The following PRKDC variants were observed in gnomAD, a reference collection of about 807,000 sequenced individuals.
PRKDC encodes the protein protein kinase, DNA-activated, catalytic subunit.
Under a neutral mutation model 486.9 loss-of-function variants are expected in PRKDC, and 82 were observed. The ratio of observed to expected loss-of-function variants is 0.17; its 90% CI spans 0.14 to 0.20. The LOEUF is 0.20. Ranked by LOEUF, PRKDC falls within the 10% of genes least tolerant of loss-of-function variation. PRKDC has a pLI of 1.00. For missense variants in PRKDC, 4,504 were observed against 5,038.2 expected (o/e 0.89, Z 3.21); for synonymous variants, 1,895 against 1,837.0 (o/e 1.03, Z -0.81).
intron 44 of PRKDC, 59 bp from the exon 45 acceptor site, chr8:47,861,030 C>A: frequency 8.5e-7 from 1 of 1,179,564 alleles, no homozygotes; most frequent in Admixed American, 3.0e-5. Context: ...GATACTTTTT[C>A]TGTTTTAGTA....
intron 40 of PRKDC, among the ~76,000 whole-genome samples, chr8:47,866,155 G>GC (rs1170956362): frequency 2.6e-5 from 2 of 75,904 alleles, no homozygotes; most frequent in African/African-American, 1.4e-4. Context: ...AAACTCCGTC[G>GC]CAAAAAAAAA....
chr8:47,829,322 CATT>C (rs1052292226), intron 61 of PRKDC, among the ~76,000 whole-genome samples: 4 of 152,196 alleles, frequency 2.6e-5, no homozygotes, highest in African/African-American at 9.6e-5. Context: ...GAACAAATTA[CATT>C]ATTAAATGAA....
chr8:47,933,867 G>T, intron 15 of PRKDC, 98 bp downstream of exon 15: 1 of 1,290,730 alleles, frequency 7.7e-7, no homozygotes, highest in Non-Finnish European at 1.0e-6. Flanking sequence ...ACTTTTGAAA[G>T]TTAGTAAAAT....
At chr8:47,941,401 T>C (rs2090443057) in intron 10 of PRKDC, among the ~76,000 whole-genome samples, 1 of 152,136 alleles carries the variant, frequency 6.6e-6, no homozygotes, top group African/African-American at 2.4e-5. Flanking sequence ...GGTAACAATG[T>C]GACTCGGAAT....
intron 52 of PRKDC, among the ~76,000 whole-genome samples, chr8:47,851,592 G>A (rs1163406542): frequency 6.6e-6 from 1 of 152,150 alleles, no homozygotes; most frequent in Non-Finnish European, 1.5e-5. Context: ...ACTATGGCCT[G>A]GACTCTACTC....
chr8:47,878,655 A>T (rs755037568), intron 39 of PRKDC, among the ~76,000 whole-genome samples: 9 of 152,070 alleles, frequency 5.9e-5, no homozygotes, highest in Non-Finnish European at 1.3e-4. Context: ...TTTCTAGGAG[A>T]TACCCTTAAT....
intron 39 of PRKDC, among the ~76,000 whole-genome samples, chr8:47,879,153 T>C (rs1391337416): frequency 6.6e-6 from 1 of 152,240 alleles, no homozygotes; most frequent in African/African-American, 2.4e-5. Context: ...ACACATAAAA[T>C]ATTTCACAAT....
intron 73 of PRKDC, among the ~76,000 whole-genome samples, chr8:47,796,283 G>C (rs200340913): frequency 1.3e-5 from 2 of 151,222 alleles, no homozygotes; most frequent in African/African-American, 4.9e-5. Context: ...AATCACTGTC[G>C]AGCCGAGATC....
chr8:47,951,922 A>G (rs1303554328), intron 7 of PRKDC, among the ~76,000 whole-genome samples: 2 of 152,350 alleles, frequency 1.3e-5, no homozygotes, highest in African/African-American at 4.8e-5. Flanking sequence ...TCCCTTCGCA[A>G]CCATTAGGCA....
At chr8:47,830,419 T>C (rs926463895) in intron 61 of PRKDC, among the ~76,000 whole-genome samples, 186 bp downstream of exon 61, 1 of 152,188 alleles carries the variant, frequency 6.6e-6, no homozygotes, top group Non-Finnish European at 1.5e-5. Context: ...AAAGAAGTCA[T>C]GGAACTAGGA....
Position 47,858,587 on chromosome 8 carries a change from T to G in PRKDC, c.6394A>C (p.Lys2132Gln). 6.4e-7 allele frequency: 1 copy of G among 1,560,288 alleles called. No homozygotes were observed. The change falls in exon 48 of 86, where the codon AAA becomes CAA. Residue 2132 changes from lysine to glutamine, a missense_variant. Physicochemically the swap from Lys to Gln is moderately conservative, Grantham distance 53. Transcript: ENST00000314191. ...LPSWMKFLHG[K>Q]LGNPIVPLNI... is the part of the protein sequence containing the mutation. ...AATGGTACTATTGGATTTCCCAGTT[T>G]GCCATGGAGGAATTTCATCCAAGAA...
Position 47,836,533 on chromosome 8 carries a change from C to T in PRKDC, c.7762-6G>A, listed in dbSNP as rs764466328. ...TCAGAATCAATGGTATATTCCTGTA[C>T]ATAAGAAAGTTTCAAATGAAATAAA... is the stretch of plus-strand genomic sequence containing the variant. On this transcript the variant is annotated splice_region_variant and splice_polypyrimidine_tract_variant and intron_variant, in intron 57 of 85. Transcript: ENST00000314191. 1.9e-6 allele frequency: 3 copies of T among 1,577,700 alleles called. No individual in the cohort carries two copies. Among genetic ancestry groups the T allele is most frequent in the Non-Finnish European group, 2.6e-6 (3 of 1,160,250 alleles).
rs1458221354 is a variant in PRKDC at position 47,936,460 on chromosome 8, G to A, written c.1171C>T (p.Arg391Cys). 11 of 1,614,002 alleles carry A rather than the reference G, an allele frequency of 6.8e-6. No individual in the cohort carries two copies. Among genetic ancestry groups the A allele is most frequent in the South Asian group, 1.1e-5 (1 of 91,082 alleles). ...TGGGTGAGGAACATCTGCTTGCAGC[G>A]CTGAATGAGCTCAACGTACATGAAG... ...VDFMYVELIQ[R>C]CKQMFLTQTD... is the part of the protein sequence containing the mutation. Residue 391 changes from arginine (R) to cysteine (C), a missense_variant, in exon 12 of 86, where the codon CGC becomes TGC. Arg to Cys is a radical substitution (Grantham distance 180). Coordinates refer to ENST00000314191, the MANE Select transcript of PRKDC (RefSeq NM_006904.7).
In PRKDC at chr8:47,789,137, C is replaced by T. The variant is rs1223959088; in HGVS notation, c.10758+14G>A. On this transcript the variant is annotated intron_variant, in intron 75 of 85. Transcript: ENST00000314191. ...CTTATATGTTTTATGTGCCAGAAGC[C>T]GTTCTATCATTACCTTAAAGAGCAG... 1.8e-5 allele frequency: 29 copies of T among 1,612,446 alleles called. No homozygotes were observed. The highest frequency in any genetic ancestry group is 2.2e-5 in the Non-Finnish European group (26 of 1,179,100).
chr8:47,854,020 ACTGAAGT>A, intron 51 of PRKDC, 56 bp downstream of exon 51: 1 of 1,583,474 alleles, frequency 6.3e-7, no homozygotes. Context: ...ACTGCACCAT[ACTGAAGT>A]CTGTCAATCC....
At chr8:47,852,069 T>C (rs2088419954) in intron 52 of PRKDC, among the ~76,000 whole-genome samples, 1 of 152,146 alleles carries the variant, frequency 6.6e-6, no homozygotes, top group Non-Finnish European at 1.5e-5. Flanking sequence ...TGTGCTATGA[T>C]TACACCACTG....
chr8:47,798,255 C>T lies in PRKDC; in HGVS notation c.10440G>A (p.Leu3480=). Residue 3480 remains leucine (L), a synonymous_variant, in exon 73 of 86, where the codon TTG becomes TTA. Coordinates refer to ENST00000314191, the MANE Select transcript of PRKDC (RefSeq NM_006904.7). ...CACCAACCTCTTTTGTCATGAGGCT[C>T]AAAGTCTCCTCTGGATACCGTTCTA... ...QIIERYPEET[L]SLMTKEISSV... is the part of the protein sequence containing the mutation. 1 of 1,613,240 alleles carries T rather than the reference C, an allele frequency of 6.2e-7. No individual in the cohort carries two copies. The highest frequency in any genetic ancestry group is 1.1e-5 in the South Asian group (1 of 90,778).
At chr8:47,889,327 G>T in intron 32 of PRKDC, 105 bp from the exon 33 acceptor site, 1 of 937,398 alleles carries the variant, frequency 1.1e-6, no homozygotes, top group Non-Finnish European at 1.6e-6. Flanking sequence ...TAAGGGAGAG[G>T]TGGGCAGAGT....
In PRKDC at chr8:47,790,621, A is replaced by G. The variant is rs2086866902; in HGVS notation, c.10671-1383T>C. Among the ~76,000 whole-genome samples the G allele has an allele frequency of 2.6e-5, 4 of 152,240 alleles. No individual in the cohort carries two copies. In the South Asian group the frequency reaches 8.3e-4, roughly 32 times the overall value. ...AAAAGCCAAAGCCACCCTGAGCAAA[A>G]AGAATAAAACTGGCACAATCACATT... is the stretch of plus-strand genomic sequence containing the variant. On this transcript the variant is annotated intron_variant, in intron 74 of 85. Coordinates refer to ENST00000314191, the MANE Select transcript of PRKDC (RefSeq NM_006904.7).
Sources: allele counts gnomAD v4.1 joint callset (sites outside exome capture counted in the v4.1 genomes callset), GRCh38; gene constraint gnomAD v4.1.1; transcripts MANE v1.5; gene names NCBI Gene and HGNC (gene_info 2026-07-23, HGNC 2026-07-21).